The following RBM18 variants were observed in gnomAD, a reference collection of about 807,000 sequenced individuals.
RBM18 encodes the protein RNA binding motif protein 18, also known as probable RNA-binding protein 18.
A neutral mutation model predicts 26.4 loss-of-function variants in RBM18; 18 were observed. The ratio of observed to expected loss-of-function variants is 0.68; its 90% confidence interval spans 0.47 to 1.01. The LOEUF (loss-of-function observed/expected upper bound fraction) is 1.01. Among genes scored for constraint, RBM18 ranks in the 50% least tolerant of loss-of-function variants. The pLI, the probability that RBM18 is intolerant of heterozygous loss-of-function variation, is 0.00. For missense variants in RBM18, 180 were observed against 219.2 expected (o/e 0.82, Z 1.13); for synonymous variants, 74 against 81.1 (o/e 0.91, Z 0.47).
chr9:122,243,660 TG>T (rs1336810737), intron 5 of RBM18: 1 of 872,490 alleles, frequency 1.1e-6, no homozygotes, highest in African/African-American at 1.8e-5. Context: ...AGTATATACA[TG>T]GGCTTTTGGA....
intron 2 of RBM18, among the ~76,000 whole-genome samples, chr9:122,253,060 T>A (rs1030506814): frequency 6.6e-6 from 1 of 152,222 alleles, no homozygotes; most frequent in Non-Finnish European, 1.5e-5. Context: ...TAAACAATGC[T>A]GTCCCTGTGA....
At chr9:122,258,565 T>C (rs377218313) in intron 2 of RBM18, among the ~76,000 whole-genome samples, 4 of 152,012 alleles carry the variant, frequency 2.6e-5, no homozygotes, top group Admixed American at 1.3e-4. Flanking sequence ...CCGTGCTCAG[T>C]GGTAGTTATA....
intron 3 of RBM18, among the ~76,000 whole-genome samples, chr9:122,250,068 T>TAAAAAAAAAAA (rs59558933): frequency 0.41 from 43,804 of 106,378 alleles, 10,067 homozygotes; most frequent in East Asian, 0.57. Flanking sequence ...AGACCTTATT[T>TAAAAAAAAAAA]AAAAAAAAAA....
At chr9:122,255,432 G>T (rs1350589692) in intron 2 of RBM18, among the ~76,000 whole-genome samples, 1 of 152,162 alleles carries the variant, frequency 6.6e-6, no homozygotes, top group Non-Finnish European at 1.5e-5. Context: ...GTTTATCCCT[G>T]AAAGTCTGTA....
At chr9:122,246,632 C>A (rs12553258) in intron 4 of RBM18, among the ~76,000 whole-genome samples, 71,741 of 152,032 alleles carry the variant, frequency 0.47, 17,812 homozygotes, top group East Asian at 0.83. Context: ...TCTAAAGTAT[C>A]TGAACTTAGT....
At chr9:122,253,823 C>T (rs1410846158) in intron 2 of RBM18, among the ~76,000 whole-genome samples, 3 of 151,400 alleles carry the variant, frequency 2.0e-5, no homozygotes, top group African/African-American at 4.9e-5. Context: ...GTCAGGACTT[C>T]GAGACCAGCC....
In RBM18 at chr9:122,251,835, A is replaced by G. The variant is rs746289648; in HGVS notation, c.240+12T>C. On this transcript the variant is annotated intron_variant, in intron 3 of 5. Coordinates refer to ENST00000417201, the MANE Select transcript of RBM18 (RefSeq NM_033117.4). ...TGATAAATATTATAAAATGGGGAGA[A>G]AGCTTAATTACCTGCTTAGTTTCAA... is the stretch of plus-strand genomic sequence containing the variant. The G allele has an allele frequency of 2.4e-5, 39 of 1,611,514 alleles. No individual in the cohort carries two copies. Among genetic ancestry groups the G allele is most frequent in the Non-Finnish European group, 6.8e-6 (8 of 1,177,954 alleles).
At chr9:122,245,486 G>T in intron 4 of RBM18, 145 bp from the exon 5 acceptor site, 2 of 504,822 alleles carry the variant, frequency 4.0e-6, no homozygotes, top group Non-Finnish European at 7.0e-6. Context: ...TAGAATTAAT[G>T]AAAAACTTCA....
At chr9:122,252,211 CA>C (rs1207368758) in intron 2 of RBM18, among the ~76,000 whole-genome samples, 1 of 152,100 alleles carries the variant, frequency 6.6e-6, no homozygotes, top group Non-Finnish European at 1.5e-5. Flanking sequence ...AAATACCAAA[CA>C]AAAAAACCAC....
chr9:122,245,335 C>T lies in RBM18; in HGVS notation c.334G>A (p.Asp112Asn). 1 of 1,602,090 alleles carries T rather than the reference C, an allele frequency of 6.2e-7. No individual in the cohort carries two copies. The highest frequency in any genetic ancestry group is 8.6e-7 in the Non-Finnish European group (1 of 1,169,426). Reference protein sequence around the residue: ...RWAHAQVKRYDHNKNDKILPI... With the variant: ...RWAHAQVKRYNHNKNDKILPI... ...AGAATCTTATCATTCTTGTTATGAT[C>T]ATATCTCTGAAAATGAGAAATAGAG... is the stretch of plus-strand genomic sequence containing the variant. Residue 112 changes from aspartate (D) to asparagine (N), a missense_variant, in exon 5 of 6, where the codon GAT becomes AAT. Asp to Asn is a conservative substitution (Grantham distance 23, BLOSUM62 1). Around this residue, in one of 3 missense-constraint regions of RBM18, gnomAD observed 103 missense variants for 102.8 expected, o/e 1.00. Coordinates refer to ENST00000417201, the MANE Select transcript of RBM18 (RefSeq NM_033117.4).
intron 5 of RBM18, among the ~76,000 whole-genome samples, chr9:122,244,413 C>A (rs1435493057): frequency 1.3e-5 from 2 of 152,174 alleles, no homozygotes; most frequent in African/African-American, 2.4e-5. Context: ...GTATTTTCTT[C>A]CCCTGCCCCG....
At chr9:122,256,205 C>A (rs1831696175) in intron 2 of RBM18, among the ~76,000 whole-genome samples, 1 of 152,148 alleles carries the variant, frequency 6.6e-6, no homozygotes, top group South Asian at 2.1e-4. Flanking sequence ...ATCTATGCAG[C>A]CACTATTTTC....
chr9:122,255,513 C>T (rs938838216), intron 2 of RBM18, among the ~76,000 whole-genome samples: 2 of 152,164 alleles, frequency 1.3e-5, no homozygotes, highest in African/African-American at 4.8e-5. Flanking sequence ...CAAACTGAAT[C>T]CCTCCCTGCC....
Position 122,261,493 on chromosome 9 carries a change from C to A in RBM18, c.-1G>T. The A allele has an allele frequency of 1.2e-6, 2 of 1,601,960 alleles. No individual in the cohort carries two copies. Among genetic ancestry groups the A allele is most frequent in the Admixed American group, 3.3e-5 (2 of 60,016 alleles). ...GAAGAGTTTTGGTTTCTGCTTCCAT[C>A]AATGTCTATGAAATACTAAAGGAAA... On this transcript the variant is annotated 5_prime_UTR_variant, in exon 2 of 6. Transcript: ENST00000417201.
chr9:122,238,379 C>T lies in RBM18; in HGVS notation c.*3505G>A, dbSNP rs966150146. ...TAGCGGTAAGTGCTTTTGAGAAAAT[C>T]GTGAGGAAAGGATTGGAGAGTGACA... On this transcript the variant is annotated 3_prime_UTR_variant, in exon 6 of 6. Coordinates refer to ENST00000417201, the MANE Select transcript of RBM18 (RefSeq NM_033117.4). 5.9e-5 allele frequency: 9 copies of T among 152,086 alleles called. No individual in the cohort carries two copies. Among genetic ancestry groups the T allele is most frequent in the East Asian group, 3.9e-4 (2 of 5,194 alleles). The allele number at this position is 152,086 out of a possible 1,614,324, so 9.4% of individuals were successfully genotyped here. A position where few individuals can be genotyped will look rare whatever the true frequency, so the allele number is the denominator to read the frequency against.
chr9:122,259,008 G>A (rs1436746352), intron 2 of RBM18, among the ~76,000 whole-genome samples: 2 of 151,948 alleles, frequency 1.3e-5, no homozygotes, highest in East Asian at 3.8e-4. Flanking sequence ...CCAGCCACAG[G>A]GAAAGCCCAG....
rs376023850 is a variant in RBM18, at chr9:122,247,525, T to A, written c.320A>T (p.Gln107Leu). The change falls in exon 4 of 6, where the codon CAA becomes CTA. Residue 107 changes from glutamine to leucine, a missense_variant. By Grantham distance (113) the Gln-to-Leu change is moderately radical. This residue lies in a region of RBM18 where 103 missense variants were observed against 102.8 expected (regional missense o/e 1.00). Coordinates refer to ENST00000417201, the MANE Select transcript of RBM18 (RefSeq NM_033117.4). ...KKLVVRWAHA[Q>L]VKRYDHNKND... is the part of the protein sequence containing the mutation. ...CTAGCCTCTCAGACGTACCTTTACT[T>A]GAGCATGTGCCCATCGCACCACCAG... 226 of 1,613,764 alleles carry A rather than the reference T, an allele frequency of 1.4e-4. No homozygotes were observed. Among genetic ancestry groups the A allele is most frequent in the Non-Finnish European group, 1.9e-4 (220 of 1,179,874 alleles).
intron 2 of RBM18, among the ~76,000 whole-genome samples, chr9:122,258,396 G>C (rs907362965): frequency 2.0e-4 from 30 of 152,022 alleles, no homozygotes; most frequent in African/African-American, 7.3e-4. Context: ...AGCCTCCTGA[G>C]TAGTTAGGAC....
Position 122,241,896 on chromosome 9 carries a change from T to A in RBM18, c.561A>T (p.Lys187Asn). The stretch of plus-strand genomic sequence containing the variant: ...TAATTCACAACCATCATCTTCGAGA[T>A]TTCCATGCTGTTCTAGAATATGGAG... ...RTTPYSRTAWKSRR is the reference protein window; with the variant it reads ...RTTPYSRTAWNSRR The change falls in exon 6 of 6, where the codon AAA (lysine) becomes AAT (asparagine). Residue 187 changes from lysine (K) to asparagine (N), a missense_variant. By Grantham distance (94) the Lys-to-Asn change is moderately conservative. Coordinates refer to ENST00000417201, the MANE Select transcript of RBM18 (RefSeq NM_033117.4). 1 of 1,611,608 alleles carries A rather than the reference T, an allele frequency of 6.2e-7. No individual in the cohort carries two copies. The highest frequency in any genetic ancestry group is 8.5e-7 in the Non-Finnish European group (1 of 1,179,390).
Sources: gnomAD v4.1 joint callset for allele counts (sites outside exome capture counted in the v4.1 genomes callset) on GRCh38, gnomAD v4.1.1 for gene constraint, gnomAD v4.1.1 regional missense constraint, MANE v1.5 for transcripts, NCBI Gene and HGNC (gene_info 2026-07-23, HGNC 2026-07-21) for gene names.